The following TMEM117 variants were observed in gnomAD, a reference collection of about 807,000 sequenced individuals.
TMEM117 encodes transmembrane protein 117.
Under a neutral mutation model 52.4 loss-of-function variants are expected in TMEM117, and 27 were observed. The ratio of observed to expected loss-of-function variants is 0.51; its 90% CI spans 0.38 to 0.71. The LOEUF is 0.71. Among genes scored for constraint, TMEM117 ranks in the 30% least tolerant of loss-of-function variants. TMEM117 has a pLI of 0.00. For missense variants in TMEM117, 556 were observed against 630.5 expected, an observed-to-expected ratio of 0.88 and a Z score of 1.26; for synonymous variants, 215 against 206.3, an observed-to-expected ratio of 1.04 and a Z score of -0.36.
intron 2 of TMEM117, among the ~76,000 whole-genome samples, chr12:43,941,121 A>G (rs1297797285): frequency 6.6e-6 from 1 of 152,186 alleles, no homozygotes; most frequent in African/African-American, 2.4e-5. Context: ...TATATACTCC[A>G]AGATGGATCT....
rs77211732 is a variant in TMEM117, at chr12:44,139,095, A to G, written c.411-4430A>G. Among the ~76,000 whole-genome samples, 15 of 152,258 alleles carry G rather than the reference A, an allele frequency of 9.9e-5. No homozygotes were observed. In the East Asian group the frequency reaches 2.9e-3, roughly 29 times the overall value. ...GTGTGTGAAGCCCCCAATCTTATTT[A>G]TGTTGTCCAAACATGGCTGAGAGAG... On this transcript the variant is annotated intron_variant, in intron 3 of 7. Coordinates refer to ENST00000266534, the MANE Select transcript of TMEM117 (RefSeq NM_032256.3).
intron 2 of TMEM117, among the ~76,000 whole-genome samples, chr12:43,918,532 A>G (rs1206102246): frequency 6.6e-6 from 1 of 152,214 alleles, no homozygotes; most frequent in African/African-American, 2.4e-5. Flanking sequence ...CTAGCTGCTT[A>G]GTTAATTAAC....
chr12:43,924,987 C>G (rs1377918934), intron 2 of TMEM117, among the ~76,000 whole-genome samples: 1 of 152,130 alleles, frequency 6.6e-6, no homozygotes, highest in Non-Finnish European at 1.5e-5. Flanking sequence ...GATGTTCTCT[C>G]AAATGGATGG....
At chr12:44,318,095 G>T (rs1187053379) in intron 6 of TMEM117, among the ~76,000 whole-genome samples, 2 of 152,184 alleles carry the variant, frequency 1.3e-5, no homozygotes, top group Non-Finnish European at 2.9e-5. Context: ...AGATCTTCCT[G>T]GGCATGTAGC....
intron 3 of TMEM117, among the ~76,000 whole-genome samples, chr12:44,114,487 T>G (rs17094097): frequency 6.6e-6 from 1 of 152,126 alleles, no homozygotes; most frequent in Non-Finnish European, 1.5e-5. Flanking sequence ...AGAGAACCTT[T>G]TTCTGTATAG....
intron 6 of TMEM117, among the ~76,000 whole-genome samples, chr12:44,343,101 A>G (rs1300584589): frequency 1.3e-5 from 2 of 149,798 alleles, no homozygotes; most frequent in Non-Finnish European, 3.0e-5. Context: ...ATGCCCAGCT[A>G]TTTTTTTTTA....
chr12:44,191,298 G>A (rs1316659669), intron 4 of TMEM117, among the ~76,000 whole-genome samples: 3 of 151,950 alleles, frequency 2.0e-5, no homozygotes, highest in Non-Finnish European at 2.9e-5. Flanking sequence ...GGGATTATAG[G>A]AACTACAATT....
At chr12:44,167,865 A>T (rs1339162232) in intron 4 of TMEM117, among the ~76,000 whole-genome samples, 1 of 152,194 alleles carries the variant, frequency 6.6e-6, no homozygotes, top group Admixed American at 6.5e-5. Flanking sequence ...TGCCCAGCAC[A>T]GTCAGAACTA....
intron 3 of TMEM117, among the ~76,000 whole-genome samples, chr12:44,032,435 C>T (rs567665200): frequency 9.5e-4 from 144 of 152,216 alleles, no homozygotes; most frequent in African/African-American, 3.2e-3. Flanking sequence ...GACAGCAGCT[C>T]AAAAGAAACA....
intron 4 of TMEM117, among the ~76,000 whole-genome samples, chr12:44,168,697 G>T (rs1433765067): frequency 6.6e-6 from 1 of 151,738 alleles, no homozygotes; most frequent in African/African-American, 2.4e-5. Flanking sequence ...TTTTTTTATT[G>T]TGATAAAACG....
At chr12:44,204,511 T>G (rs758788359) in intron 4 of TMEM117, among the ~76,000 whole-genome samples, 2 of 151,044 alleles carry the variant, frequency 1.3e-5, no homozygotes, top group Non-Finnish European at 3.0e-5. Context: ...ATTTACAGAT[T>G]CAGTGCTATT....
intron 2 of TMEM117, among the ~76,000 whole-genome samples, chr12:43,864,548 A>G (rs1333001973): frequency 6.6e-6 from 1 of 152,100 alleles, no homozygotes; most frequent in African/African-American, 2.4e-5. Flanking sequence ...TACACCAATC[A>G]GCACTCTGTG....
chr12:44,251,343 A>G (rs1238569497), intron 5 of TMEM117, among the ~76,000 whole-genome samples: 1 of 152,224 alleles, frequency 6.6e-6, no homozygotes, highest in Non-Finnish European at 1.5e-5. Flanking sequence ...ATGCCAATTT[A>G]TGAGATGTGA....
chr12:44,228,090 A>G (rs1402695080), intron 5 of TMEM117, among the ~76,000 whole-genome samples: 2 of 152,086 alleles, frequency 1.3e-5, no homozygotes, highest in Non-Finnish European at 2.9e-5. Flanking sequence ...AGGTTAGATC[A>G]TCTCAGGTGA....
intron 7 of TMEM117, among the ~76,000 whole-genome samples, chr12:44,385,871 A>G (rs1952081101): frequency 6.6e-6 from 1 of 152,068 alleles, no homozygotes; most frequent in Non-Finnish European, 1.5e-5. Context: ...TTTTTCTACA[A>G]TAATCTCCAT....
intron 3 of TMEM117, among the ~76,000 whole-genome samples, chr12:44,068,921 T>A (rs1416601246): frequency 2.0e-5 from 3 of 152,152 alleles, no homozygotes; most frequent in Admixed American, 2.0e-4. Context: ...TATAGGTACT[T>A]CTGTAAATTG....
intron 2 of TMEM117, among the ~76,000 whole-genome samples, chr12:43,943,703 C>CA (rs1945082453): frequency 6.6e-6 from 1 of 152,170 alleles, no homozygotes; most frequent in Non-Finnish European, 1.5e-5. Flanking sequence ...TGTTTTATAA[C>CA]AGAGACTTAA....
chr12:43,947,821 C>A (rs987569426), intron 3 of TMEM117, among the ~76,000 whole-genome samples: 10 of 152,242 alleles, frequency 6.6e-5, no homozygotes, highest in Admixed American at 6.5e-4. Flanking sequence ...GGATTCCTTT[C>A]CAAACTGGAG....
chr12:44,303,221 T>C (rs1305812046), intron 6 of TMEM117, among the ~76,000 whole-genome samples: 6 of 152,010 alleles, frequency 3.9e-5, no homozygotes, highest in African/African-American at 1.4e-4. Context: ...TTTTGTATTT[T>C]TTTTTTTAGT....
Sources: gnomAD v4.1 joint callset for allele counts (sites outside exome capture counted in the v4.1 genomes callset) on GRCh38, gnomAD v4.1.1 for gene constraint, MANE v1.5 for transcripts, NCBI Gene and HGNC (gene_info 2026-07-23, HGNC 2026-07-21) for gene names.